SYT1: variants seen among roughly 807,000 people sequenced by gnomAD.
The protein encoded by SYT1 is synaptotagmin-1.
Under a neutral mutation model 44.8 loss-of-function variants are expected in SYT1, and 8 were observed. The ratio of observed to expected loss-of-function variants is 0.18; its 90% confidence interval spans 0.10 to 0.32. The LOEUF (loss-of-function observed/expected upper bound fraction) is 0.32, where lower values mean the gene tolerates loss of function less well. Ranked by LOEUF, SYT1 falls within the 10% of genes least tolerant of loss-of-function variation. The pLI, the probability that SYT1 is intolerant of heterozygous loss-of-function variation, is 1.00. For missense variants in SYT1, 286 were observed against 509.3 expected (o/e 0.56, Z 4.22); for synonymous variants, 154 against 188.8 (o/e 0.82, Z 1.51).
At chr12:79,401,801 C>G (rs1478515033) in intron 9 of SYT1, among the ~76,000 whole-genome samples, 1 of 151,822 alleles carries the variant, frequency 6.6e-6, no homozygotes, top group Non-Finnish European at 1.5e-5. Context: ...TCCCAAGTAG[C>G]TAGGACTACA....
At chr12:78,935,832 T>G (rs1019061176) in intron 1 of SYT1, among the ~76,000 whole-genome samples, 1 of 152,082 alleles carries the variant, frequency 6.6e-6, no homozygotes, top group African/African-American at 2.4e-5. Flanking sequence ...AACTAAAAAA[T>G]TTGTTGTAAA....
At chr12:79,021,363 G>A (rs546350661) in intron 2 of SYT1, among the ~76,000 whole-genome samples, 3 of 151,710 alleles carry the variant, frequency 2.0e-5, no homozygotes, top group East Asian at 3.9e-4. Flanking sequence ...CTCTAATATT[G>A]GTTTATTGTC....
At chr12:79,163,618 G>A (rs1871079205) in intron 3 of SYT1, among the ~76,000 whole-genome samples, 1 of 152,050 alleles carries the variant, frequency 6.6e-6, no homozygotes. Flanking sequence ...CAAAAAGCCT[G>A]TCTACACTGA....
rs200621163 is a variant in SYT1, at chr12:79,120,939, CTA to C, written c.-18+73590_-18+73591del. Among the ~76,000 whole-genome samples the C allele has an allele frequency of 5.4e-3, 768 of 143,344 alleles. 9 individuals are homozygous for C. The highest frequency in any genetic ancestry group is 0.016 in the African/African-American group (605 of 38,436). 94.0% of individuals were successfully genotyped at this position (143,344 alleles called of 152,430 possible). ...CACATATTTGTGTATGTATATATAT[CTA>C]TATATATATATAGATATATATACAC... On this transcript the variant is annotated intron_variant, in intron 3 of 10. Coordinates refer to ENST00000261205, the MANE Select transcript of SYT1 (RefSeq NM_005639.3).
intron 3 of SYT1, among the ~76,000 whole-genome samples, chr12:79,137,545 C>T (rs1322611275): frequency 6.6e-6 from 1 of 152,162 alleles, no homozygotes; most frequent in Non-Finnish European, 1.5e-5. Flanking sequence ...TTAGAAGAGA[C>T]AAATGATTTT....
intron 3 of SYT1, among the ~76,000 whole-genome samples, chr12:79,123,055 G>C (rs1868305469): frequency 6.6e-6 from 1 of 152,142 alleles, no homozygotes; most frequent in Non-Finnish European, 1.5e-5. Flanking sequence ...ACAGAAACTT[G>C]TATGTTTAAT....
chr12:79,349,034 A>AG lies in SYT1; in HGVS notation c.811-4468_811-4467insG, dbSNP rs1565919874. ...AAGAAAGAAAGAAAGAAAGAAAGAAAAAGAAAGAAAGAAAGAAAGAAAGGA... is the reference window on the plus strand; with the variant it reads ...AAGAAAGAAAGAAAGAAAGAAAGAAAGAAGAAAGAAAGAAAGAAAGAAAGGA... On this transcript the variant is annotated intron_variant, in intron 8 of 10. Transcript: ENST00000261205. Among the ~76,000 whole-genome samples, 757 of 103,554 alleles carry AG rather than the reference A, an allele frequency of 7.3e-3. 11 individuals are homozygous for AG. The highest frequency in any genetic ancestry group is 0.029 in the African/African-American group (697 of 23,722). The allele number at this position is 103,554 out of a possible 152,430, so 67.9% of individuals were successfully genotyped here.
intron 3 of SYT1, among the ~76,000 whole-genome samples, chr12:79,097,343 T>C (rs1878194254): frequency 5.3e-5 from 8 of 152,046 alleles, no homozygotes; most frequent in Admixed American, 5.3e-4. Context: ...CTATCAGCCA[T>C]ACATCCGGTA....
intron 3 of SYT1, among the ~76,000 whole-genome samples, chr12:79,072,863 G>A (rs1876380142): frequency 6.6e-6 from 1 of 151,036 alleles, no homozygotes; most frequent in African/African-American, 2.4e-5. Context: ...AATGTTCCAA[G>A]TCTCTGCCCT....
At chr12:79,370,935 C>G (rs894046185) in intron 9 of SYT1, among the ~76,000 whole-genome samples, 2 of 152,020 alleles carry the variant, frequency 1.3e-5, no homozygotes, top group African/African-American at 4.8e-5. Context: ...ACAACATCAG[C>G]CCATGGAAGA....
At chr12:79,122,031 C>T (rs1444028583) in intron 3 of SYT1, among the ~76,000 whole-genome samples, 1 of 152,200 alleles carries the variant, frequency 6.6e-6, no homozygotes, top group East Asian at 1.9e-4. Flanking sequence ...TCATTGCTTT[C>T]AGCACTTTTT....
chr12:79,113,837 CA>C (rs1240187609), intron 3 of SYT1, among the ~76,000 whole-genome samples: 6 of 152,116 alleles, frequency 3.9e-5, no homozygotes, highest in Non-Finnish European at 8.8e-5. Flanking sequence ...AATAGGTGTT[CA>C]AATTTAACCT....
intron 4 of SYT1, among the ~76,000 whole-genome samples, chr12:79,249,088 CTTTTTTTTT>C (rs58983623): frequency 1.1e-4 from 8 of 71,816 alleles, no homozygotes; most frequent in East Asian, 4.0e-4. Flanking sequence ...TTACCTCTTT[CTTTTTTTTT>C]TTTTTTTTTT....
At chr12:79,024,240 G>A (rs1872379849) in intron 2 of SYT1, among the ~76,000 whole-genome samples, 1 of 151,704 alleles carries the variant, frequency 6.6e-6, no homozygotes, top group Admixed American at 6.6e-5. Flanking sequence ...TGGGTAATGG[G>A]ATTGAGAGAG....
intron 3 of SYT1, among the ~76,000 whole-genome samples, chr12:79,181,550 GT>G (rs1765065649): frequency 1.3e-5 from 2 of 151,436 alleles, no homozygotes; most frequent in Non-Finnish European, 2.9e-5. Flanking sequence ...CATATCAACC[GT>G]ATACCTTTCT....
chr12:79,152,395 G>A (rs1870327179), intron 3 of SYT1, among the ~76,000 whole-genome samples: 1 of 152,096 alleles, frequency 6.6e-6, no homozygotes, highest in African/African-American at 2.4e-5. Context: ...TGGAAGGGTG[G>A]TTGGAATCCT....
rs546435681 is a variant in SYT1 at position 79,160,978 on chromosome 12, GTC to G, written c.-17-56522_-17-56521del. On this transcript the variant is annotated intron_variant, in intron 3 of 10. Transcript: ENST00000261205. ...CCAGGCGCAGTGGCTCACACCTGGA[GTC>G]TCAACATTTTGGGAGTTCCAGGCAG... Among the ~76,000 whole-genome samples the G allele has an allele frequency of 2.8e-4, 43 of 152,208 alleles. No individual in the cohort carries two copies. The East Asian group carries it at 6.8e-3, about 24-fold the overall frequency.
At chr12:78,945,219 T>C (rs552272201) in intron 1 of SYT1, among the ~76,000 whole-genome samples, 1 of 152,268 alleles carries the variant, frequency 6.6e-6, no homozygotes, top group South Asian at 2.1e-4. Flanking sequence ...ATTTCATTTT[T>C]ACAAATTATT....
At chr12:79,137,241 G>T (rs560744806) in intron 3 of SYT1, among the ~76,000 whole-genome samples, 122 of 151,906 alleles carry the variant, frequency 8.0e-4, no homozygotes, top group African/African-American at 2.8e-3. Flanking sequence ...GATTACAGGC[G>T]TGCACCACCA....
Sources: allele counts gnomAD v4.1 joint callset (sites outside exome capture counted in the v4.1 genomes callset), GRCh38; gene constraint gnomAD v4.1.1; transcripts MANE v1.5; gene names NCBI Gene and HGNC (gene_info 2026-07-23, HGNC 2026-07-21).